DCAKD: variants seen among roughly 807,000 people sequenced by gnomAD.
DCAKD encodes the protein dephospho-CoA kinase domain-containing protein.
DCAKD carries 15 observed loss-of-function variants against 18.7 expected under a neutral mutation model. The ratio of observed to expected loss-of-function variants is 0.80; its 90% CI spans 0.54 to 1.24. The LOEUF is 1.24. DCAKD is among the 50% of genes most tolerant of loss of function. DCAKD has a pLI of 0.00. For missense variants in DCAKD, 301 were observed against 322.0 expected (o/e 0.93, Z 0.50); for synonymous variants, 130 against 133.0 (o/e 0.98, Z 0.16).
intron 1 of DCAKD, among the ~76,000 whole-genome samples, chr17:45,040,552 A>G (rs1189845210): frequency 6.6e-6 from 1 of 152,158 alleles, no homozygotes; most frequent in African/African-American, 2.4e-5. Context: ...GAGCCAATGC[A>G]CTGTGCAGGA....
chr17:45,028,263 G>C (rs62065787), intron 4 of DCAKD, among the ~76,000 whole-genome samples: 92,417 of 150,022 alleles, frequency 0.62, 28,606 homozygotes, highest in Middle Eastern at 0.69. Context: ...CGCCCACCAT[G>C]ATGCCCAGCT....
At chr17:45,058,055 C>T (rs2053804913) in intron 1 of DCAKD, among the ~76,000 whole-genome samples, 1 of 149,126 alleles carries the variant, frequency 6.7e-6, no homozygotes, top group African/African-American at 2.5e-5. Context: ...TGGCTCACAC[C>T]TGTAATTCCA....
chr17:45,031,495 A>C, intron 3 of DCAKD: 3 of 971,644 alleles, frequency 3.1e-6, no homozygotes, highest in Non-Finnish European at 1.2e-6. Flanking sequence ...AAATATGTGA[A>C]CCATGCAGTA....
At chr17:45,039,663 G>A (rs758651622) in intron 1 of DCAKD, among the ~76,000 whole-genome samples, 2 of 152,238 alleles carry the variant, frequency 1.3e-5, no homozygotes, top group African/African-American at 4.8e-5. Context: ...AGCCCCGGGT[G>A]CCTTCCCTCC....
chr17:45,058,674 G>A (rs2053814095), intron 1 of DCAKD, among the ~76,000 whole-genome samples: 1 of 151,830 alleles, frequency 6.6e-6, no homozygotes, highest in South Asian at 2.1e-4. Flanking sequence ...CACCCACCTC[G>A]GCTTCCCAAA....
intron 1 of DCAKD, among the ~76,000 whole-genome samples, chr17:45,056,984 G>T (rs1237119582): frequency 6.7e-6 from 1 of 149,596 alleles, no homozygotes; most frequent in African/African-American, 2.5e-5. Flanking sequence ...AGCCAGGATG[G>T]TCTCGATCCC....
chr17:45,051,328 A>G (rs1029606663), intron 1 of DCAKD, 33 bp downstream of exon 1: 1 of 152,242 alleles, frequency 6.6e-6, no homozygotes, highest in African/African-American at 2.4e-5. Context: ...GGTTGCTGTC[A>G]AGACAATGGG....
rs565792299 is a variant in DCAKD, at chr17:45,058,732, A to C, written c.-118+2156T>G. ...CCCCAGCGCCTGGCCTGGCTTTATT[A>C]TTCTTCTTCTTACCTCTGACCCCCC... On this transcript the variant is annotated intron_variant, in intron 1 of 4. Transcript: ENST00000310604. Among the ~76,000 whole-genome samples, 39 of 151,652 alleles carry C rather than the reference A, an allele frequency of 2.6e-4. 1 individual carries two copies. In the East Asian group the frequency reaches 5.5e-3, roughly 21 times the overall value.
At position 45,034,406 on chromosome 17, in the gene DCAKD, G is replaced by GA; in HGVS notation, c.113-17dup. 1.2e-6 allele frequency: 2 copies of GA among 1,613,046 alleles called. No individual in the cohort carries two copies. Among genetic ancestry groups the GA allele is most frequent in the Non-Finnish European group, 1.7e-6 (2 of 1,179,800 alleles). On this transcript the variant is annotated splice_polypyrimidine_tract_variant and intron_variant, in intron 2 of 4. Transcript: ENST00000651974. ...GGCTGCACGACTGTGGCAGGAGGAAGAAGCTGGGTCACTCCCTGAAGCCTC... is the reference window on the plus strand; with the variant it reads ...GGCTGCACGACTGTGGCAGGAGGAAGAAAGCTGGGTCACTCCCTGAAGCCTC...
At chr17:45,053,450 T>G (rs531708557), upstream of DCAKD, among the ~76,000 whole-genome samples, 60 of 151,686 alleles carry the variant, frequency 4.0e-4, no homozygotes, top group African/African-American at 1.4e-3. Context: ...AGATGGAGTT[T>G]TGCTCTTGTT....
upstream of DCAKD, chr17:45,054,203 T>C (rs1452446185): frequency 1.8e-5 from 9 of 511,592 alleles, no homozygotes; most frequent in South Asian, 1.1e-4. Flanking sequence ...CATGTATACA[T>C]GTACATGTCC....
At chr17:45,026,103 G>A (rs983963774) in intron 4 of DCAKD, among the ~76,000 whole-genome samples, 1 of 151,914 alleles carries the variant, frequency 6.6e-6, no homozygotes, top group Non-Finnish European at 1.5e-5. Context: ...ATTTTTAGTA[G>A]AGACGGGATT....
At chr17:45,031,881 T>C (rs994234611) in intron 3 of DCAKD, 7 of 985,300 alleles carry the variant, frequency 7.1e-6, no homozygotes, top group Admixed American at 1.2e-4. Flanking sequence ...TTGACAGTTG[T>C]ATTTGTTATA....
At chr17:45,045,888 C>T (rs1055209655) in intron 1 of DCAKD, among the ~76,000 whole-genome samples, 5 of 151,928 alleles carry the variant, frequency 3.3e-5, no homozygotes, top group Non-Finnish European at 4.4e-5. Flanking sequence ...TGCAATGGTG[C>T]GGTTTTGGCT....
At chr17:45,045,888 C>A (rs1055209655) in intron 1 of DCAKD, among the ~76,000 whole-genome samples, 1 of 151,928 alleles carries the variant, frequency 6.6e-6, no homozygotes, top group Admixed American at 6.6e-5. Context: ...TGCAATGGTG[C>A]GGTTTTGGCT....
intron 1 of DCAKD, among the ~76,000 whole-genome samples, chr17:45,045,902 T>G (rs1479070456): frequency 6.6e-6 from 1 of 151,974 alleles, no homozygotes; most frequent in Non-Finnish European, 1.5e-5. Context: ...TTTGGCTTAC[T>G]GCAACCTCTA....
At chr17:45,026,619 G>T in intron 4 of DCAKD, 1 of 985,412 alleles carries the variant, frequency 1.0e-6, no homozygotes. Context: ...CACCTTGGCA[G>T]TTTGGTCCCT....
At chr17:45,046,290 G>A (rs996334801) in intron 1 of DCAKD, among the ~76,000 whole-genome samples, 2 of 152,176 alleles carry the variant, frequency 1.3e-5, no homozygotes, top group Non-Finnish European at 2.9e-5. Context: ...TGTAAGAGCA[G>A]CACTTTCTCA....
chr17:45,026,730 G>A (rs1451848659), intron 4 of DCAKD: 52 of 985,246 alleles, frequency 5.3e-5, no homozygotes, highest in Admixed American at 6.2e-5. Context: ...TCTGTTACGG[G>A]GTCAGTGTAC....
Sources: allele counts gnomAD v4.1 joint callset (sites outside exome capture counted in the v4.1 genomes callset), GRCh38; gene constraint gnomAD v4.1.1; transcripts MANE v1.5; gene names NCBI Gene and HGNC (gene_info 2026-07-23, HGNC 2026-07-21).